Variants in TJP3 observed in about 807,000 individuals in gnomAD.
TJP3 encodes the protein tight junction protein ZO-3.
TJP3 carries 85 observed loss-of-function variants against 104.2 expected under a neutral mutation model. That is an observed-to-expected ratio of 0.82 (90% CI 0.68 to 0.98). TJP3 has a LOEUF of 0.98. Among genes scored for constraint, TJP3 ranks in the 50% least tolerant of loss-of-function variants. TJP3 has a pLI of 0.00. For synonymous variants in TJP3, 550 were observed against 550.6 expected, an observed-to-expected ratio of 1.00 and a Z score of 0.02; for missense variants, 1,367 against 1,322.8, an observed-to-expected ratio of 1.03 and a Z score of -0.52.
Position 3,743,935 on chromosome 19 carries a change from T to C in TJP3, c.1844-4T>C. ...GATTCTTTCACTGTGTCTCTACCCCTCAGCCAGTTTCAAGCGCCCGGTAGT... is the reference window on the plus strand; with the variant it reads ...GATTCTTTCACTGTGTCTCTACCCCCCAGCCAGTTTCAAGCGCCCGGTAGT... On this transcript the variant is annotated splice_polypyrimidine_tract_variant and splice_region_variant and intron_variant, in intron 14 of 20. Transcript: ENST00000541714. 6.2e-7 allele frequency: 1 copy of C among 1,614,014 alleles called. No homozygotes were observed. Among genetic ancestry groups the C allele is most frequent in the Non-Finnish European group, 8.5e-7 (1 of 1,179,942 alleles).
At chr19:3,729,356 A>G (rs2036639470) in intron 3 of TJP3, among the ~76,000 whole-genome samples, 1 of 152,214 alleles carries the variant, frequency 6.6e-6, no homozygotes, top group Non-Finnish European at 1.5e-5. Flanking sequence ...GCCCAGAATT[A>G]GGGACCACCA....
chr19:3,716,802 T>TATA (rs1491300447), intron 1 of TJP3, among the ~76,000 whole-genome samples: 2,022 of 46,942 alleles, frequency 0.043, 40 homozygotes, highest in Middle Eastern at 0.078. Flanking sequence ...TATATATATA[T>TATA]TTTTTTTTTT....
chr19:3,721,987 C>CAGGGTTTG (rs2036546672), intron 1 of TJP3: 1 of 856,440 alleles, frequency 1.2e-6, no homozygotes, highest in African/African-American at 1.7e-5. Flanking sequence ...GTTTGGGAGT[C>CAGGGTTTG]GGACCCAGGA....
intron 1 of TJP3, among the ~76,000 whole-genome samples, chr19:3,724,893 AG>A: frequency 1.3e-5 from 2 of 152,098 alleles, no homozygotes; most frequent in East Asian, 3.8e-4. Flanking sequence ...AAAAAAAAAA[AG>A]ATGCAGTTTT....
intron 1 of TJP3, among the ~76,000 whole-genome samples, chr19:3,725,978 C>T (rs1292318334): frequency 2.0e-5 from 3 of 152,230 alleles, no homozygotes; most frequent in Non-Finnish European, 4.4e-5. Flanking sequence ...CTCTGTTTCT[C>T]TCCCCTCCAC....
Position 3,730,451 on chromosome 19 carries a change from C to T in TJP3, c.358C>T (p.Arg120Trp), listed in dbSNP as rs368698612. Residue 120 changes from arginine (R) to tryptophan (W), a missense_variant, in exon 5 of 21, where the codon CGG becomes TGG. Transcript: ENST00000541714. The surrounding 1 kb of genome is among the most constrained non-coding windows in gnomAD (Gnocchi z 7.3). ...QDSDEDDGPQ[R>W]VEEVDQGRGY... ...CTCGGATGAAGACGATGGGCCCCAG[C>T]GGGTGGAGGAGGTGGACCAGGGCCG... 5.2e-5 allele frequency: 83 copies of T among 1,587,886 alleles called. No homozygotes were observed. Among genetic ancestry groups the T allele is most frequent in the Middle Eastern group, 1.9e-4 (1 of 5,278 alleles).
In TJP3 at chr19:3,733,851, T is replaced by C. The variant is rs115623773; in HGVS notation, c.816T>C (p.Arg272=). ...TAAGCCTGCTGGTGCTGAGAGATCG[T>C]GGGCAGTTCCTGGTGAACATTCCGC... ...GKLSLLVLRD[R]GQFLVNIPPA... The change falls in exon 7 of 21, where the codon CGT becomes CGC. Residue 272 remains arginine (R), a synonymous_variant. Transcript: ENST00000541714. 1.0e-4 allele frequency: 168 copies of C among 1,614,218 alleles called. No homozygotes were observed. The African/African-American group carries it at 2.0e-3, about 19-fold the overall frequency.
intron 15 of TJP3, among the ~76,000 whole-genome samples, chr19:3,745,676 G>A (rs931961823): frequency 3.9e-5 from 6 of 152,162 alleles, no homozygotes; most frequent in African/African-American, 1.4e-4. Context: ...GAGTCTGGGA[G>A]AGCCAGGGGC....
intron 1 of TJP3, among the ~76,000 whole-genome samples, chr19:3,721,050 G>A (rs1010164690): frequency 5.3e-5 from 8 of 151,834 alleles, no homozygotes; most frequent in African/African-American, 1.5e-4. Context: ...TGAAGCATGC[G>A]CCACCACGCC....
At chr19:3,749,337 T>C (rs903816447) in intron 19 of TJP3, among the ~76,000 whole-genome samples, 11 of 151,972 alleles carry the variant, frequency 7.2e-5, no homozygotes, top group Non-Finnish European at 1.3e-4. Context: ...CTAATTTATA[T>C]ATTTTATTTT....
In TJP3 at chr19:3,746,439, C is replaced by T. The variant is rs756009581; in HGVS notation, c.2011-46C>T. Reference sequence around the variant, plus strand: ...CTTTCTATCTTTCTCTCTCTGTTTACCCTGCTGCAATCCCCCTCACCCCAA... The same window carrying T: ...CTTTCTATCTTTCTCTCTCTGTTTATCCTGCTGCAATCCCCCTCACCCCAA... On this transcript the variant is annotated intron_variant, in intron 16 of 20. Coordinates refer to ENST00000541714, the MANE Select transcript of TJP3 (RefSeq NM_001267560.2). The surrounding 1 kb of genome is among the most constrained non-coding windows in gnomAD (Gnocchi z 4.1). The T allele has an allele frequency of 3.1e-6, 5 of 1,593,458 alleles. No individual in the cohort carries two copies. In the South Asian group the frequency reaches 4.4e-5, roughly 14 times the overall value.
At position 3,728,642 on chromosome 19, in the gene TJP3, C is replaced by T; in HGVS notation, c.87C>T (p.Gly29=). 1.2e-6 allele frequency: 2 copies of T among 1,613,694 alleles called. No individual in the cohort carries two copies. The highest frequency in any genetic ancestry group is 1.7e-6 in the Non-Finnish European group (2 of 1,179,968). ...GCTTTGGCATTGCGATCTCTGGAGG[C>T]CGAGACCGGCCCGGTGGATCCATGG... The part of the protein sequence containing the change: ...RRGFGIAISG[G]RDRPGGSMVV... The change falls in exon 3 of 21, where the codon GGC becomes GGT. Residue 29 remains glycine (G), a synonymous_variant. Coordinates refer to ENST00000541714, the MANE Select transcript of TJP3 (RefSeq NM_001267560.2).
rs1599159860 is a variant in TJP3, at chr19:3,740,459, C to T, written c.1632-93C>T. The T allele has an allele frequency of 6.9e-6, 5 of 726,074 alleles. No homozygotes were observed. The East Asian group carries it at 9.8e-5, about 14-fold the overall frequency. The allele number at this position is 726,074 out of a possible 1,614,324, so 45.0% of individuals were successfully genotyped here. On this transcript the variant is annotated intron_variant, in intron 13 of 20. Transcript: ENST00000541714. ...AGTCCCTTTTGCCATACAAAGTGGC[C>T]TGTCCACAGGCTCCGAGGGGTAGGA... is the stretch of plus-strand genomic sequence containing the variant.
rs1599156402 is a variant in TJP3 at position 3,736,001 on chromosome 19, G to T, written c.1127+66G>T. ...ACATCCCAGGCTGCCTCCCTCATCA[G>T]CGCAATCCTGCCTGCTTGTATCCAT... On this transcript the variant is annotated intron_variant, in intron 10 of 20. Coordinates refer to ENST00000541714, the MANE Select transcript of TJP3 (RefSeq NM_001267560.2). 34 of 1,601,876 alleles carry T rather than the reference G, an allele frequency of 2.1e-5. No homozygotes were observed. In the East Asian group the frequency reaches 7.4e-4, roughly 35 times the overall value.
chr19:3,718,251 GTGTGTC>G (rs1175576765), intron 1 of TJP3, among the ~76,000 whole-genome samples: 8,495 of 71,068 alleles, frequency 0.12, 505 homozygotes, highest in Non-Finnish European at 0.14. Flanking sequence ...GTGTGTGTGT[GTGTGTC>G]TGTGTGTGTG....
chr19:3,737,013 G>A (rs2036747544), intron 11 of TJP3, among the ~76,000 whole-genome samples: 1 of 151,096 alleles, frequency 6.6e-6, no homozygotes, highest in Non-Finnish European at 1.5e-5. Flanking sequence ...CCAAGTAGCT[G>A]GGATCACAGG....
In TJP3 at chr19:3,730,499, A is replaced by G. The variant is rs562799917; in HGVS notation, c.406A>G (p.Ser136Gly). 56 of 1,587,582 alleles carry G rather than the reference A, an allele frequency of 3.5e-5. No individual in the cohort carries two copies. In the East Asian group the frequency reaches 1.3e-3, roughly 36 times the overall value. Residue 136 changes from serine to glycine, a missense_variant, in exon 5 of 21, where the codon AGT becomes GGT. Ser to Gly is a moderately conservative substitution (Grantham distance 56). Coordinates refer to ENST00000541714, the MANE Select transcript of TJP3 (RefSeq NM_001267560.2). The surrounding 1 kb of genome is among the most constrained non-coding windows in gnomAD (Gnocchi z 7.3). Reference protein sequence around the residue: ...QGRGYDGDSSSGSGRSWDERS... With the variant: ...QGRGYDGDSSGGSGRSWDERS... Reference sequence around the variant, plus strand: ...CCGGGGCTATGACGGCGACTCATCCAGTGGCTCCGGCCGCTCCTGGGACGA... The same window carrying G: ...CCGGGGCTATGACGGCGACTCATCCGGTGGCTCCGGCCGCTCCTGGGACGA...
intron 12 of TJP3, 77 bp from the exon 13 acceptor site, chr19:3,738,820 C>G: frequency 7.0e-7 from 1 of 1,423,634 alleles, no homozygotes; most frequent in African/African-American, 1.4e-5. Flanking sequence ...AATCTCCAGC[C>G]AGGCCCACTC....
Position 3,727,118 on chromosome 19 carries a change from T to C in TJP3, c.-9-1306T>C, listed in dbSNP as rs112971371. Among the ~76,000 whole-genome samples, 1,406 of 151,586 alleles carry C rather than the reference T, an allele frequency of 9.3e-3. 9 individuals are homozygous for C. The highest frequency in any genetic ancestry group is 0.012 in the Non-Finnish European group (818 of 67,898). On this transcript the variant is annotated intron_variant, in intron 1 of 20. Transcript: ENST00000541714. ...AGTGTGGGAGGGGGGACTTCATGGC[T>C]CTGTGCCTCAGTTTCCTCATCTGTA...
Sources: gnomAD v4.1 joint callset for allele counts (sites outside exome capture counted in the v4.1 genomes callset) on GRCh38, gnomAD v4.1.1 for gene constraint, Gnocchi (gnomAD v3.1) non-coding constraint, MANE v1.5 for transcripts, NCBI Gene and HGNC (gene_info 2026-07-23, HGNC 2026-07-21) for gene names.